Variants in VGLL2 observed in about 807,000 individuals in gnomAD.
The protein encoded by VGLL2 is vestigial like family member 2, also known as transcription cofactor vestigial-like protein 2.
Under a neutral mutation model 27.0 loss-of-function variants are expected in VGLL2, and 18 were observed. That is an observed-to-expected ratio of 0.67 (90% CI 0.46 to 0.99). The LOEUF (loss-of-function observed/expected upper bound fraction) is 0.99, where lower values mean the gene tolerates loss of function less well. Ranked by LOEUF, VGLL2 falls within the 50% of genes least tolerant of loss-of-function variation. VGLL2 has a pLI of 0.00. For missense variants in VGLL2, 491 were observed against 452.3 expected (o/e 1.09, Z -0.78); for synonymous variants, 220 against 201.1 (o/e 1.09, Z -0.80).
In VGLL2 at chr6:117,270,676, C is replaced by T. The variant is rs1248549380; in HGVS notation, c.525C>T (p.Asp175=). 7 of 1,547,150 alleles carry T rather than the reference C, an allele frequency of 4.5e-6. No homozygotes were observed. The highest frequency in any genetic ancestry group is 4.3e-6 in the Non-Finnish European group (5 of 1,154,544). Reference sequence around the variant, plus strand: ...CGGAGCTGCCCTTCGCCGCCGCCGACCCCTACTCGCCCGCCGCGCTGCATG... The same window carrying T: ...CGGAGCTGCCCTTCGCCGCCGCCGATCCCTACTCGCCCGCCGCGCTGCATG... ...AHSELPFAAA[D]PYSPAALHGH... Residue 175 remains aspartate, a synonymous_variant, in exon 3 of 4, where the codon GAC becomes GAT. Coordinates refer to ENST00000326274, the MANE Select transcript of VGLL2 (RefSeq NM_182645.3).
chr6:117,271,986 C>A (rs1022427263), intron 3 of VGLL2, among the ~76,000 whole-genome samples: 1 of 152,030 alleles, frequency 6.6e-6, no homozygotes, highest in Non-Finnish European at 1.5e-5. Flanking sequence ...TATAGTCTGC[C>A]CACTGCCCCT....
At chr6:117,268,623 A>G (rs1773120697) in intron 2 of VGLL2, 132 bp downstream of exon 2, 2 of 1,062,550 alleles carry the variant, frequency 1.9e-6, no homozygotes, top group Non-Finnish European at 2.7e-6. Flanking sequence ...GAGCATTTGG[A>G]AAGGGTAAGG....
chr6:117,270,940 C>A lies in VGLL2; in HGVS notation c.789C>A (p.Gly263=), dbSNP rs765340999. The A allele has an allele frequency of 1.0e-5, 13 of 1,241,030 alleles. No homozygotes were observed. In the South Asian group the frequency reaches 4.3e-4, roughly 41 times the overall value. 76.9% of individuals were successfully genotyped at this position (1,241,030 alleles called of 1,614,324 possible). ...RLATAPAPAP[G]SPPCELSGKG... Reference sequence around the variant, plus strand: ...CAACCGCCCCGGCGCCCGCGCCCGGCAGTCCTCCCTGCGAGCTCTCCGGCA... The same window carrying A: ...CAACCGCCCCGGCGCCCGCGCCCGGAAGTCCTCCCTGCGAGCTCTCCGGCA... Residue 263 remains glycine, a synonymous_variant, in exon 3 of 4, where the codon GGC becomes GGA. Transcript: ENST00000326274.
At position 117,272,510 on chromosome 6, in the gene VGLL2, T is replaced by TTTCCCC. The variant is rs1411918835; in HGVS notation, c.*28_*33dup. 3.1e-6 allele frequency: 5 copies of TTTCCCC among 1,614,006 alleles called. No homozygotes were observed. In the African/African-American group the frequency reaches 5.3e-5, roughly 17 times the overall value. ...CCTGAGCTGATCTGCTGACCCAGGG[T>TTTCCCC]TTCCCCTTCCCCTTCCCTTCTGACC... is the stretch of plus-strand genomic sequence containing the variant. On this transcript the variant is annotated 3_prime_UTR_variant, in exon 4 of 4. Transcript: ENST00000326274.
At position 117,270,644 on chromosome 6, in the gene VGLL2, G is replaced by A; in HGVS notation, c.493G>A (p.Ala165Thr). The A allele has an allele frequency of 3.2e-6, 5 of 1,579,690 alleles. No homozygotes were observed. Among genetic ancestry groups the A allele is most frequent in the South Asian group, 1.1e-5 (1 of 87,996 alleles). Residue 165 changes from alanine (A) to threonine (T), a missense_variant, in exon 3 of 4, where the codon GCG becomes ACG. By Grantham distance (58) the Ala-to-Thr change is moderately conservative. Transcript: ENST00000326274. ...PPPLGSPLAT[A>T]HSELPFAAAD... ...GCCGCTGGGCAGCCCTCTGGCCACC[G>A]CGCACTCGGAGCTGCCCTTCGCCGC...
intron 3 of VGLL2, 121 bp downstream of exon 3, chr6:117,271,185 A>G: frequency 5.4e-6 from 5 of 919,742 alleles, no homozygotes; most frequent in Non-Finnish European, 7.0e-6. Flanking sequence ...AAGGATCTGC[A>G]TGCCACGGTC....
At chr6:117,265,907 C>T in intron 1 of VGLL2, 63 bp downstream of exon 1, 2 of 1,474,414 alleles carry the variant, frequency 1.4e-6, no homozygotes, top group African/African-American at 1.4e-5. Context: ...GCGGCATGGC[C>T]TGTACGCCAA....
At position 117,265,735 on chromosome 6, in the gene VGLL2, A is replaced by G; in HGVS notation, c.-29A>G. 1 of 1,604,026 alleles carries G rather than the reference A, an allele frequency of 6.2e-7. No homozygotes were observed. Among genetic ancestry groups the G allele is most frequent in the Non-Finnish European group, 8.5e-7 (1 of 1,171,084 alleles). The stretch of plus-strand genomic sequence containing the variant: ...CCGGGGAAGGAGAGTTAATGAAAAA[A>G]CACTTAACCGTCTCCGCTGCGGAGA... On this transcript the variant is annotated 5_prime_UTR_variant, in exon 1 of 4. Coordinates refer to ENST00000326274, the MANE Select transcript of VGLL2 (RefSeq NM_182645.3).
In VGLL2 at chr6:117,268,739, A is replaced by G. The variant is rs570613145; in HGVS notation, c.391+248A>G. Among the ~76,000 whole-genome samples, 55 of 152,300 alleles carry G rather than the reference A, an allele frequency of 3.6e-4. No individual in the cohort carries two copies. The South Asian group carries it at 0.011, about 32-fold the overall frequency. ...TTGTGTGTTGGTTCCACCACTTCCT[A>G]GCAATATAACCTTGGGCAAGTCTCA... On this transcript the variant is annotated intron_variant, in intron 2 of 3. Coordinates refer to ENST00000326274, the MANE Select transcript of VGLL2 (RefSeq NM_182645.3).
Position 117,270,913 on chromosome 6 carries a change from C to G in VGLL2, c.762C>G (p.Leu254=), listed in dbSNP as rs959381793. ...CCGCCTCGGGGCGCCCGGCCCGCCT[C>G]GCAACCGCCCCGGCGCCCGCGCCCG... is the stretch of plus-strand genomic sequence containing the variant. ...MPAASGRPAR[L]ATAPAPAPGS... Residue 254 remains leucine (L), a synonymous_variant, in exon 3 of 4, where the codon CTC becomes CTG. Transcript: ENST00000326274. 2.4e-5 allele frequency: 30 copies of G among 1,250,362 alleles called. No homozygotes were observed. The African/African-American group carries it at 4.4e-4, about 18-fold the overall frequency. The allele number at this position is 1,250,362 out of a possible 1,614,324, so 77.5% of individuals were successfully genotyped here. A position where few individuals can be genotyped will look rare whatever the true frequency, so the allele number is the denominator to read the frequency against.
chr6:117,266,026 T>A (rs1194630646), intron 1 of VGLL2, among the ~76,000 whole-genome samples, 182 bp downstream of exon 1: 5 of 152,210 alleles, frequency 3.3e-5, no homozygotes. Context: ...GCTAACCCCT[T>A]TAGCTCGCCT....
Position 117,270,743 on chromosome 6 carries a change from C to A in VGLL2, c.592C>A (p.His198Asn). ...QGATEPWHHAHPHHAHPHHPY... is the reference protein window; with the variant it reads ...QGATEPWHHANPHHAHPHHPY... ...CGCCACGGAGCCCTGGCACCACGCG[C>A]ACCCGCACCACGCGCACCCGCATCA... Residue 198 changes from histidine (H) to asparagine (N), a missense_variant, in exon 3 of 4, where the codon CAC becomes AAC. Physicochemically the swap from His to Asn is moderately conservative, Grantham distance 68 (BLOSUM62 1). Transcript: ENST00000326274. 1 of 1,512,452 alleles carries A rather than the reference C, an allele frequency of 6.6e-7. No homozygotes were observed. The highest frequency in any genetic ancestry group is 8.8e-7 in the Non-Finnish European group (1 of 1,140,278). The allele number at this position is 1,512,452 out of a possible 1,614,324, so 93.7% of individuals were successfully genotyped here.
At chr6:117,268,917 G>C (rs1773125608) in intron 2 of VGLL2, among the ~76,000 whole-genome samples, 1 of 152,170 alleles carries the variant, frequency 6.6e-6, no homozygotes, top group Non-Finnish European at 1.5e-5. Context: ...AAACCAGTGA[G>C]TGAAGGAGCT....
Position 117,272,979 on chromosome 6 carries a change from CT to C in VGLL2, c.*487del, listed in dbSNP as rs1415428420. 1 of 157,886 alleles carries C rather than the reference CT, an allele frequency of 6.3e-6. No individual in the cohort carries two copies. The highest frequency in any genetic ancestry group is 2.4e-5 in the African/African-American group (1 of 41,468). The allele number at this position is 157,886 out of a possible 1,614,324, so 9.8% of individuals were successfully genotyped here. A position where few individuals can be genotyped will look rare whatever the true frequency, so the allele number is the denominator to read the frequency against. ...TCCTCACCTCTCAGCCTCCAGATCC[CT>C]TCCTGCCCATCCCTTCCCTACAATG... On this transcript the variant is annotated 3_prime_UTR_variant, in exon 4 of 4. Coordinates refer to ENST00000326274, the MANE Select transcript of VGLL2 (RefSeq NM_182645.3).
chr6:117,272,582 C>T lies in VGLL2; in HGVS notation c.*88C>T. On this transcript the variant is annotated 3_prime_UTR_variant, in exon 4 of 4. Coordinates refer to ENST00000326274, the MANE Select transcript of VGLL2 (RefSeq NM_182645.3). Reference sequence around the variant, plus strand: ...GTGCCTCTCACTCCGTGGATGAGGACATGGGGGAAGGCAGAGACTTCAGAC... The same window carrying T: ...GTGCCTCTCACTCCGTGGATGAGGATATGGGGGAAGGCAGAGACTTCAGAC... The T allele has an allele frequency of 6.3e-7, 1 of 1,589,892 alleles. No homozygotes were observed.
At chr6:117,268,603 G>A in intron 2 of VGLL2, 112 bp downstream of exon 2, 1 of 1,198,806 alleles carries the variant, frequency 8.3e-7, no homozygotes, top group Non-Finnish European at 1.1e-6. Flanking sequence ...GTCAGAGAAG[G>A]TGTGCAGAGG....
At chr6:117,269,235 C>A (rs897169226) in intron 2 of VGLL2, among the ~76,000 whole-genome samples, 1 of 152,162 alleles carries the variant, frequency 6.6e-6, no homozygotes, top group Non-Finnish European at 1.5e-5. Flanking sequence ...ATTTGTTGGA[C>A]AACTCAACTA....
At chr6:117,265,990 G>A (rs1773060004) in intron 1 of VGLL2, 146 bp downstream of exon 1, 3 of 723,132 alleles carry the variant, frequency 4.1e-6, no homozygotes, top group Admixed American at 2.3e-5. Flanking sequence ...GATTGCCGGA[G>A]CCGCCCCCAG....
chr6:117,267,498 G>T (rs1582497186), intron 1 of VGLL2, among the ~76,000 whole-genome samples: 1 of 139,088 alleles, frequency 7.2e-6, no homozygotes, highest in Non-Finnish European at 1.5e-5. Context: ...CTGATATAGG[G>T]ATAATAAAAA....
Sources: allele counts gnomAD v4.1 joint callset (sites outside exome capture counted in the v4.1 genomes callset), GRCh38; gene constraint gnomAD v4.1.1; transcripts MANE v1.5; gene names NCBI Gene and HGNC (gene_info 2026-07-23, HGNC 2026-07-21).